The following DSCAM variants were observed in gnomAD, a reference collection of about 807,000 sequenced individuals.
DSCAM encodes cell adhesion molecule DSCAM.
In DSCAM, 47 loss-of-function variants were observed where a neutral mutation model predicts 217.7. That is an observed-to-expected ratio of 0.22 (90% CI 0.17 to 0.28). The LOEUF is 0.28. DSCAM is among the 10% of genes least tolerant of loss of function. The pLI is 1.00. For missense variants in DSCAM, 2,080 were observed against 2,618.3 expected (o/e 0.79, Z 4.49); for synonymous variants, 1,056 against 1,015.3 (o/e 1.04, Z -0.76).
In DSCAM at chr21:40,478,881, TAAC is replaced by T. The variant is rs61111085; in HGVS notation, c.509-109639_509-109637del. ...TATAAAATTAGACATAGTAAGATAT[TAAC>T]AACAATAAATAATAATAAAATAGAA... On this transcript the variant is annotated intron_variant, in intron 3 of 32. Transcript: ENST00000400454. Among the ~76,000 whole-genome samples, 189 of 152,304 alleles carry T rather than the reference TAAC, an allele frequency of 1.2e-3. 1 individual carries two copies. Among genetic ancestry groups the T allele is most frequent in the African/African-American group, 4.0e-3 (165 of 41,564 alleles).
intron 3 of DSCAM, among the ~76,000 whole-genome samples, chr21:40,509,127 C>G (rs2146055213): frequency 6.6e-6 from 1 of 152,102 alleles, no homozygotes; most frequent in Admixed American, 6.5e-5. Flanking sequence ...GTTTTTTTCT[C>G]TAAAATTCTG....
chr21:40,288,845 AGCT>A lies in DSCAM; in HGVS notation c.2182+7207_2182+7209del, dbSNP rs926436116. ...TTTATCCCCTTATTTTATCTGTTTC[AGCT>A]GCAAGGATGCTGTGGTTCATATGGG... is the stretch of plus-strand genomic sequence containing the variant. On this transcript the variant is annotated intron_variant, in intron 10 of 32. Coordinates refer to ENST00000400454, the MANE Select transcript of DSCAM (RefSeq NM_001389.5). Among the ~76,000 whole-genome samples the A allele has an allele frequency of 3.7e-4, 56 of 152,270 alleles. 1 individual carries two copies. Among genetic ancestry groups the A allele is most frequent in the Admixed American group, 3.4e-3 (52 of 15,302 alleles).
chr21:40,389,356 C>T (rs1334775529), intron 3 of DSCAM, among the ~76,000 whole-genome samples: 8 of 152,036 alleles, frequency 5.3e-5, no homozygotes, highest in Middle Eastern at 3.4e-3. Flanking sequence ...AAAAGAGGAC[C>T]GTTAAAAAAC....
intron 3 of DSCAM, among the ~76,000 whole-genome samples, chr21:40,603,136 TTTATG>T (rs1331749438): frequency 6.6e-6 from 1 of 152,148 alleles, no homozygotes. Flanking sequence ...TGCAGCTGTC[TTTATG>T]TTATTAAATT....
intron 3 of DSCAM, among the ~76,000 whole-genome samples, chr21:40,647,547 G>A (rs1433701761): frequency 1.3e-5 from 2 of 152,132 alleles, no homozygotes; most frequent in Admixed American, 1.3e-4. Context: ...ATAGTCCAAA[G>A]TCAGGTTCTC....
chr21:40,047,225 T>G (rs1320548027), intron 30 of DSCAM, among the ~76,000 whole-genome samples: 3 of 152,176 alleles, frequency 2.0e-5, no homozygotes, highest in Non-Finnish European at 4.4e-5. Flanking sequence ...CATTGTTTTG[T>G]ACCTGAACTG....
chr21:40,786,634 AC>A (rs1229108979), intron 1 of DSCAM, among the ~76,000 whole-genome samples: 2 of 152,170 alleles, frequency 1.3e-5, no homozygotes, highest in African/African-American at 4.8e-5. Flanking sequence ...AAAAAGCCAG[AC>A]CTTTGGTCAA....
At chr21:40,781,630 C>T (rs1008006880) in intron 1 of DSCAM, among the ~76,000 whole-genome samples, 1 of 152,002 alleles carries the variant, frequency 6.6e-6, no homozygotes, top group African/African-American at 2.4e-5. Flanking sequence ...TTGGGGGTCC[C>T]GAAACCAATC....
In DSCAM at chr21:40,012,820, A is replaced by T. The variant is rs2088081486; in HGVS notation, c.*214T>A. 1.1e-5 allele frequency: 4 copies of T among 363,602 alleles called. No individual in the cohort carries two copies. The East Asian group carries it at 1.7e-4, about 15-fold the overall frequency. The allele number at this position is 363,602 out of a possible 1,614,324, so 22.5% of individuals were successfully genotyped here. ...ATAAAACTGGACTTCTTTCCCAAAA[A>T]ATCAGATGCCCAGGCGGATGGAGCT... On this transcript the variant is annotated 3_prime_UTR_variant, in exon 33 of 33. Transcript: ENST00000400454.
intron 25 of DSCAM, among the ~76,000 whole-genome samples, chr21:40,079,408 A>G (rs2089420096): frequency 1.3e-5 from 2 of 152,118 alleles, no homozygotes; most frequent in Admixed American, 1.3e-4. Flanking sequence ...GTGCCCAGGG[A>G]CCTAAAGGAT....
chr21:40,342,959 T>C (rs1301691712), intron 6 of DSCAM, among the ~76,000 whole-genome samples: 1 of 151,848 alleles, frequency 6.6e-6, no homozygotes, highest in African/African-American at 2.4e-5. Flanking sequence ...ATATGGTATA[T>C]CTTTTCAATT....
chr21:40,771,532 C>T (rs1212029323), intron 1 of DSCAM, among the ~76,000 whole-genome samples: 1 of 152,176 alleles, frequency 6.6e-6, no homozygotes, highest in Non-Finnish European at 1.5e-5. Context: ...GCTTCCGGAC[C>T]AGGTTTCTGC....
At chr21:40,419,260 C>T (rs570165157) in intron 3 of DSCAM, among the ~76,000 whole-genome samples, 9 of 151,842 alleles carry the variant, frequency 5.9e-5, no homozygotes, top group South Asian at 2.1e-4. Flanking sequence ...GGATTACAGG[C>T]GTGAGCCACC....
intron 11 of DSCAM, among the ~76,000 whole-genome samples, chr21:40,237,312 C>T (rs1357528538): frequency 6.6e-6 from 1 of 151,920 alleles, no homozygotes; most frequent in African/African-American, 2.4e-5. Flanking sequence ...TTTGCTGCAC[C>T]CATCAACCTG....
At chr21:40,609,873 C>A (rs1032655839) in intron 3 of DSCAM, among the ~76,000 whole-genome samples, 1 of 152,214 alleles carries the variant, frequency 6.6e-6, no homozygotes, top group Non-Finnish European at 1.5e-5. Context: ...GTGAGACTAT[C>A]ACGGCTGCCT....
chr21:40,561,519 G>A (rs1314757814), intron 3 of DSCAM, among the ~76,000 whole-genome samples: 1 of 152,138 alleles, frequency 6.6e-6, no homozygotes, highest in African/African-American at 2.4e-5. Context: ...TGCTATTTGA[G>A]ACAATTTATA....
intron 27 of DSCAM, among the ~76,000 whole-genome samples, chr21:40,072,291 G>T (rs2089302167): frequency 6.6e-6 from 1 of 151,940 alleles, no homozygotes; most frequent in African/African-American, 2.4e-5. Context: ...TTGCCATTCA[G>T]AAGTGGTGTG....
intron 3 of DSCAM, among the ~76,000 whole-genome samples, chr21:40,646,213 G>A (rs544032639): frequency 7.2e-5 from 11 of 152,158 alleles, no homozygotes; most frequent in East Asian, 3.9e-4. Flanking sequence ...TCAAGAGATC[G>A]AGACCATCCT....
intron 20 of DSCAM, among the ~76,000 whole-genome samples, chr21:40,100,099 C>A (rs977378150): frequency 6.6e-6 from 1 of 152,118 alleles, no homozygotes; most frequent in East Asian, 1.9e-4. Flanking sequence ...AGAGAGAGAA[C>A]CATAGGCATG....
Sources: allele counts gnomAD v4.1 joint callset (sites outside exome capture counted in the v4.1 genomes callset), GRCh38; gene constraint gnomAD v4.1.1; transcripts MANE v1.5; gene names NCBI Gene and HGNC (gene_info 2026-07-23, HGNC 2026-07-21).